Variants in DCLK1 observed in about 807,000 individuals in gnomAD.
DCLK1 encodes the protein doublecortin like kinase 1, also known as serine/threonine-protein kinase DCLK1.
In DCLK1, 16 loss-of-function variants were observed where a neutral mutation model predicts 86.2. The observed-to-expected ratio is 0.19, with a 90% CI of 0.13 to 0.28. The LOEUF is 0.28. Ranked by LOEUF, DCLK1 falls within the 10% of genes least tolerant of loss-of-function variation. DCLK1 has a pLI of 1.00. For missense variants in DCLK1, 590 were observed against 940.2 expected (o/e 0.63, Z 4.87); for synonymous variants, 369 against 370.5 (o/e 1.00, Z 0.05).
intron 15 of DCLK1, among the ~76,000 whole-genome samples, chr13:35,804,255 C>A (rs569526763): frequency 6.6e-6 from 1 of 150,806 alleles, no homozygotes; most frequent in Non-Finnish European, 1.5e-5. Flanking sequence ...CTCAGCCTCC[C>A]GAGTAGCTGG....
At chr13:36,095,316 A>G (rs1884973157) in intron 3 of DCLK1, among the ~76,000 whole-genome samples, 1 of 151,730 alleles carries the variant, frequency 6.6e-6, no homozygotes, top group Non-Finnish European at 1.5e-5. Flanking sequence ...AGTGATTCTC[A>G]TGTCTCAGCC....
At chr13:36,007,505 T>C (rs1186535000) in intron 3 of DCLK1, among the ~76,000 whole-genome samples, 2 of 152,104 alleles carry the variant, frequency 1.3e-5, no homozygotes, top group Non-Finnish European at 2.9e-5. Context: ...TATCTTGGGG[T>C]TGTGAGTAGA....
intron 3 of DCLK1, among the ~76,000 whole-genome samples, chr13:36,090,723 G>A (rs1421156575): frequency 6.6e-6 from 1 of 152,152 alleles, no homozygotes; most frequent in African/African-American, 2.4e-5. Context: ...CAGATCGGAG[G>A]AGCCACTGAA....
chr13:35,887,639 T>C (rs923862814), intron 4 of DCLK1, among the ~76,000 whole-genome samples: 3 of 152,120 alleles, frequency 2.0e-5, no homozygotes, highest in Non-Finnish European at 4.4e-5. Context: ...TAGTTTCCTA[T>C]TCTGTGAAAA....
At chr13:35,909,713 A>T (rs566432830) in intron 4 of DCLK1, among the ~76,000 whole-genome samples, 12 of 152,008 alleles carry the variant, frequency 7.9e-5, no homozygotes, top group African/African-American at 2.2e-4. Context: ...CAGGGTTTTT[A>T]AAGTCAAGGG....
intron 16 of DCLK1, among the ~76,000 whole-genome samples, chr13:35,781,039 T>C: frequency 6.6e-6 from 1 of 152,218 alleles, no homozygotes. Flanking sequence ...CGTTCTGACA[T>C]TAAATTGGGA....
chr13:36,100,292 T>C (rs980503375), intron 3 of DCLK1, among the ~76,000 whole-genome samples: 5 of 150,248 alleles, frequency 3.3e-5, no homozygotes, highest in Admixed American at 1.3e-4. Flanking sequence ...GGTCAGAGAA[T>C]TGCTTGGGCC....
Position 36,126,047 on chromosome 13 carries a change from G to T in DCLK1, c.91C>A (p.Pro31Thr). The change falls in exon 2 of 17, where the codon CCG becomes ACG. Residue 31 changes from proline to threonine, a missense_variant. Physicochemically the swap from Pro to Thr is conservative, Grantham distance 38. Around this residue, in one of 6 missense-constraint regions of DCLK1, gnomAD observed 50 missense variants for 47.8 expected, o/e 1.05. Transcript: ENST00000360631. ...CAGTGGGCGCTGTGCGTCGGGCTCG[G>T]CAGGCCGTTCACCCGCGACCCTCGG... ...YSRGSRVNGLPSPTHSAHCSF... is the reference protein window; with the variant it reads ...YSRGSRVNGLTSPTHSAHCSF... The T allele has an allele frequency of 6.2e-7, 1 of 1,613,542 alleles. No individual in the cohort carries two copies. Among genetic ancestry groups the T allele is most frequent in the South Asian group, 1.1e-5 (1 of 91,052 alleles).
rs542930590 is a variant in DCLK1 at position 35,815,593 on chromosome 13, C to T, written c.1555-4625G>A. On this transcript the variant is annotated intron_variant, in intron 11 of 16. Coordinates refer to ENST00000360631, the MANE Select transcript of DCLK1 (RefSeq NM_001330071.2). ...TGAAATTGACAAAGCCATGAAAAAA[C>T]GTCAATTTACTTTTTAACATATACG... Among the ~76,000 whole-genome samples, 13 of 152,186 alleles carry T rather than the reference C, an allele frequency of 8.5e-5. No individual in the cohort carries two copies. The South Asian group carries it at 1.7e-3, about 19-fold the overall frequency.
chr13:36,019,609 C>T (rs969820193), intron 3 of DCLK1, among the ~76,000 whole-genome samples: 5 of 152,134 alleles, frequency 3.3e-5, no homozygotes, highest in South Asian at 4.1e-4. Flanking sequence ...ACACTTATCA[C>T]GATTCTAAAC....
chr13:35,802,076 A>G (rs2086931409), intron 15 of DCLK1, among the ~76,000 whole-genome samples: 1 of 152,120 alleles, frequency 6.6e-6, no homozygotes, highest in South Asian at 2.1e-4. Context: ...ACTACCCTGG[A>G]ACTGTCTGGT....
At position 35,839,107 on chromosome 13, in the gene DCLK1, C is replaced by T; in HGVS notation, c.1105G>A (p.Asp369Asn). The change falls in exon 7 of 17, where the codon GAT becomes AAT. Residue 369 changes from aspartate (D) to asparagine (N), a missense_variant. This residue lies in a region of DCLK1 where 63 missense variants were observed against 64.3 expected (regional missense o/e 0.98). Coordinates refer to ENST00000360631, the MANE Select transcript of DCLK1 (RefSeq NM_001330071.2). ...TKVCSSMDEN[D>N]GPGEEVSEEG... ...AGCTCATCACCTTCTCCAGGGCCAT[C>T]GTTCTCATCCATCGAGCTGCAGACT... 2 of 1,599,766 alleles carry T rather than the reference C, an allele frequency of 1.3e-6. No homozygotes were observed. Among genetic ancestry groups the T allele is most frequent in the Middle Eastern group, 1.7e-4 (1 of 6,052 alleles).
chr13:35,943,016 C>G (rs1444249908), intron 4 of DCLK1, among the ~76,000 whole-genome samples: 1 of 152,072 alleles, frequency 6.6e-6, no homozygotes, highest in African/African-American at 2.4e-5. Flanking sequence ...AATTTTGTTC[C>G]CCAAAAAGAT....
rs2086316449 is a variant in DCLK1, at chr13:35,770,724, T to C, written c.*3811A>G. ...CAGGTGACCCATTAAATTTAAAAAA[T>C]GTGTGCGAATGAGTAACTACATTAA... On this transcript the variant is annotated 3_prime_UTR_variant, in exon 17 of 17. Transcript: ENST00000360631. 6.6e-6 allele frequency: 1 copy of C among 152,196 alleles called. No homozygotes were observed. The highest frequency in any genetic ancestry group is 1.5e-5 in the Non-Finnish European group (1 of 68,038). The allele number at this position is 152,196 out of a possible 1,614,324, so 9.4% of individuals were successfully genotyped here.
intron 4 of DCLK1, among the ~76,000 whole-genome samples, chr13:35,911,364 T>C (rs1384856437): frequency 6.6e-6 from 1 of 151,660 alleles, no homozygotes; most frequent in African/African-American, 2.4e-5. Flanking sequence ...ACTTGTACCA[T>C]TGCTGCTCCA....
intron 3 of DCLK1, among the ~76,000 whole-genome samples, chr13:36,079,091 C>T (rs865924875): frequency 2.0e-5 from 3 of 152,136 alleles, no homozygotes; most frequent in Non-Finnish European, 2.9e-5. Context: ...CCTGTGGCTA[C>T]ATGGCTAGAG....
At chr13:35,897,754 A>C (rs1265753828) in intron 4 of DCLK1, among the ~76,000 whole-genome samples, 1 of 152,232 alleles carries the variant, frequency 6.6e-6, no homozygotes, top group Non-Finnish European at 1.5e-5. Flanking sequence ...ACTTATAAAA[A>C]CAAAAGCAAC....
chr13:35,878,409 G>T (rs1364884273), intron 4 of DCLK1, among the ~76,000 whole-genome samples: 1 of 152,038 alleles, frequency 6.6e-6, no homozygotes, highest in African/African-American at 2.4e-5. Flanking sequence ...CCTACTGCCT[G>T]TGGGGTTTGA....
At chr13:35,858,529 A>G (rs910690854) in intron 5 of DCLK1, among the ~76,000 whole-genome samples, 3 of 152,170 alleles carry the variant, frequency 2.0e-5, no homozygotes, top group African/African-American at 7.2e-5. Flanking sequence ...CACTTTTCCC[A>G]TGAGTGGCTG....
Sources: allele counts gnomAD v4.1 joint callset (sites outside exome capture counted in the v4.1 genomes callset), GRCh38; gene constraint gnomAD v4.1.1; regional missense constraint gnomAD v4.1.1; transcripts MANE v1.5; gene names NCBI Gene and HGNC (gene_info 2026-07-23, HGNC 2026-07-21).